KCTD20: variants seen among roughly 807,000 people sequenced by gnomAD.
The protein encoded by KCTD20 is potassium channel tetramerization domain containing 20, also known as BTB/POZ domain-containing protein KCTD20.
A neutral mutation model predicts 39.6 loss-of-function variants in KCTD20; 30 were observed. The ratio of observed to expected loss-of-function variants is 0.76; its 90% confidence interval spans 0.57 to 1.03. The LOEUF (loss-of-function observed/expected upper bound fraction) is 1.03. Ranked by LOEUF, KCTD20 falls within the 50% of genes least tolerant of loss-of-function variation. KCTD20 has a pLI of 0.00. For synonymous variants in KCTD20, 162 were observed against 180.6 expected (o/e 0.90, Z 0.83); for missense variants, 422 against 522.0 (o/e 0.81, Z 1.87).
chr6:36,490,266 G>C lies in KCTD20; in HGVS notation c.*3091G>C, dbSNP rs768930521. ...GCAAGGGTTTTTGGCCAGGCGTGGT[G>C]GCTCACGCCTGTAATCCCAGCACTT... is the stretch of plus-strand genomic sequence containing the variant. On this transcript the variant is annotated 3_prime_UTR_variant, in exon 8 of 8. Coordinates refer to ENST00000373731, the MANE Select transcript of KCTD20 (RefSeq NM_173562.5). 6.6e-6 allele frequency: 1 copy of C among 152,250 alleles called. No homozygotes were observed. Among genetic ancestry groups the C allele is most frequent in the African/African-American group, 2.4e-5 (1 of 41,458 alleles). 9.4% of individuals were successfully genotyped at this position (152,250 alleles called of 1,614,324 possible).
At chr6:36,475,681 A>C (rs1776041666) in intron 3 of KCTD20, among the ~76,000 whole-genome samples, 2 of 152,160 alleles carry the variant, frequency 1.3e-5, no homozygotes, top group Non-Finnish European at 2.9e-5. Flanking sequence ...CACTCTAAGT[A>C]ATGTTTTCAG....
rs115709941 is a variant in KCTD20 at position 36,464,748 on chromosome 6, G to C, written c.-46-5304G>C. ...TCTCATTAGCATGCATAAAGAAAAA[G>C]CACAATGGAACTAGACCAAGTGGTT... is the stretch of plus-strand genomic sequence containing the variant. On this transcript the variant is annotated intron_variant, in intron 1 of 7. Coordinates refer to ENST00000373731, the MANE Select transcript of KCTD20 (RefSeq NM_173562.5). Among the ~76,000 whole-genome samples, 595 of 152,230 alleles carry C rather than the reference G, an allele frequency of 3.9e-3. 4 individuals are homozygous for C. The highest frequency in any genetic ancestry group is 0.013 in the African/African-American group (543 of 41,540).
At chr6:36,485,612 G>A (rs1230352551) in intron 7 of KCTD20, among the ~76,000 whole-genome samples, 1 of 149,972 alleles carries the variant, frequency 6.7e-6, no homozygotes, top group Admixed American at 6.8e-5. Flanking sequence ...TTCTGCCTCA[G>A]CCTCTCGAGT....
chr6:36,484,677 T>C, intron 6 of KCTD20, 37 bp from the exon 7 acceptor site: 1 of 982,010 alleles, frequency 1.0e-6, no homozygotes, highest in South Asian at 1.4e-5. Context: ...TCTTAGGTCT[T>C]TACTCCATGG....
Position 36,470,055 on chromosome 6 carries a change from T to C in KCTD20, c.-43T>C. 1 of 1,495,658 alleles carries C rather than the reference T, an allele frequency of 6.7e-7. No individual in the cohort carries two copies. The highest frequency in any genetic ancestry group is 9.0e-7 in the Non-Finnish European group (1 of 1,109,224). 92.6% of individuals were successfully genotyped at this position (1,495,658 alleles called of 1,614,324 possible). On this transcript the variant is annotated 5_prime_UTR_variant, in exon 2 of 8. Coordinates refer to ENST00000373731, the MANE Select transcript of KCTD20 (RefSeq NM_173562.5). ...CATGCATATTCCTGTGTTCCAGGAT[T>C]TCTCTCTGATCAAACGGACAGTTCA... is the stretch of plus-strand genomic sequence containing the variant.
rs538068500 is a variant in KCTD20, at chr6:36,466,664, G to A, written c.-46-3388G>A. ...CCCAAAGTTCTGAGACTACAGGTGT[G>A]AGCCACTGCGCCTTGCCTTTTTTTC... On this transcript the variant is annotated intron_variant, in intron 1 of 7. Coordinates refer to ENST00000373731, the MANE Select transcript of KCTD20 (RefSeq NM_173562.5). Among the ~76,000 whole-genome samples, 4 of 152,122 alleles carry A rather than the reference G, an allele frequency of 2.6e-5. No homozygotes were observed. The South Asian group carries it at 8.3e-4, about 32-fold the overall frequency.
chr6:36,485,935 C>T (rs1333001540), intron 7 of KCTD20, among the ~76,000 whole-genome samples: 1 of 151,972 alleles, frequency 6.6e-6, no homozygotes, highest in East Asian at 1.9e-4. Context: ...GACAGGGTCT[C>T]ACTCTTCTGC....
chr6:36,448,324 T>C (rs1460202395), intron 1 of KCTD20, among the ~76,000 whole-genome samples: 1 of 152,134 alleles, frequency 6.6e-6, no homozygotes, highest in African/African-American at 2.4e-5. Flanking sequence ...ATTTTAAAAA[T>C]TATGGAGGAA....
intron 2 of KCTD20, among the ~76,000 whole-genome samples, chr6:36,474,231 C>T (rs368177380): frequency 7.9e-6 from 1 of 126,690 alleles, no homozygotes; most frequent in Non-Finnish European, 1.6e-5. Flanking sequence ...CCCCTCCCCC[C>T]ACCCCACAAC....
At chr6:36,481,887 A>G (rs1776262102) in intron 6 of KCTD20, 128 bp downstream of exon 6, 2 of 762,646 alleles carry the variant, frequency 2.6e-6, no homozygotes, top group South Asian at 1.7e-5. Context: ...CTGGATGACA[A>G]ATCCCTAGTG....
intron 4 of KCTD20, 93 bp from the exon 5 acceptor site, chr6:36,479,498 A>G (rs1246703631): frequency 8.6e-7 from 1 of 1,164,658 alleles, no homozygotes; most frequent in African/African-American, 1.5e-5. Context: ...CCAGTAGCTC[A>G]TTGCTTTAAC....
chr6:36,480,819 C>T (rs1190663894), intron 5 of KCTD20, among the ~76,000 whole-genome samples: 1 of 152,090 alleles, frequency 6.6e-6, no homozygotes, highest in Non-Finnish European at 1.5e-5. Context: ...CCCAAAGTGC[C>T]GAGGTTACAG....
chr6:36,484,870 T>C lies in KCTD20; in HGVS notation c.967+46T>C, dbSNP rs138478806. On this transcript the variant is annotated intron_variant, in intron 7 of 7. Coordinates refer to ENST00000373731, the MANE Select transcript of KCTD20 (RefSeq NM_173562.5). ...CCAGTCAACATTCAGGTTGGGTCTA[T>C]TGCCACAGCTTACATCCTCAAAATT... is the stretch of plus-strand genomic sequence containing the variant. The C allele has an allele frequency of 4.2e-4, 470 of 1,107,388 alleles. 2 individuals carry two copies. In the African/African-American group the frequency reaches 6.7e-3, roughly 16 times the overall value. 68.6% of individuals were successfully genotyped at this position (1,107,388 alleles called of 1,614,324 possible). A position where few individuals can be genotyped will look rare whatever the true frequency, so the allele number is the denominator to read the frequency against.
chr6:36,456,578 C>CTTTTT (rs58002986), intron 1 of KCTD20, among the ~76,000 whole-genome samples: 1 of 106,980 alleles, frequency 9.3e-6, no homozygotes, highest in Non-Finnish European at 1.9e-5. Context: ...CACGCCCAGG[C>CTTTTT]TTTTTTTTTT....
chr6:36,444,706 C>G (rs1774985557), intron 1 of KCTD20, among the ~76,000 whole-genome samples: 1 of 152,174 alleles, frequency 6.6e-6, no homozygotes, highest in South Asian at 2.1e-4. Context: ...CTATTTTCCT[C>G]AAAGCACTGT....
intron 1 of KCTD20, among the ~76,000 whole-genome samples, chr6:36,458,357 G>A (rs1775499013): frequency 6.6e-6 from 1 of 151,766 alleles, no homozygotes; most frequent in Non-Finnish European, 1.5e-5. Context: ...TGACCAACAT[G>A]GAGAAACCCC....
intron 1 of KCTD20, among the ~76,000 whole-genome samples, chr6:36,446,554 A>G (rs1034088473): frequency 6.6e-6 from 1 of 152,148 alleles, no homozygotes; most frequent in Non-Finnish European, 1.5e-5. Context: ...TGGGAGGTCA[A>G]GGGAGGAGGA....
At chr6:36,481,447 G>A (rs1776246151) in intron 5 of KCTD20, 115 bp from the exon 6 acceptor site, 3 of 754,558 alleles carry the variant, frequency 4.0e-6, no homozygotes, top group Non-Finnish European at 2.3e-6. Context: ...GCCTTTAAAT[G>A]TGCCACTTCT....
chr6:36,463,475 T>G (rs1775657302), intron 1 of KCTD20, among the ~76,000 whole-genome samples: 3 of 152,204 alleles, frequency 2.0e-5, no homozygotes, highest in Admixed American at 6.5e-5. Context: ...CTTCCTTATG[T>G]CTGCAAAGAG....
Sources: allele counts gnomAD v4.1 joint callset (sites outside exome capture counted in the v4.1 genomes callset), GRCh38; gene constraint gnomAD v4.1.1; transcripts MANE v1.5; gene names NCBI Gene and HGNC (gene_info 2026-07-23, HGNC 2026-07-21).